Variants in NLRP14 observed in about 807,000 individuals in gnomAD.
The protein encoded by NLRP14 is NLR family pyrin domain containing 14, also known as NACHT, LRR and PYD domains-containing protein 14.
In NLRP14, 105 loss-of-function variants were observed where a neutral mutation model predicts 94.7. The observed-to-expected ratio is 1.11, with a 90% CI of 0.95 to 1.30. The LOEUF is 1.30. Ranked by LOEUF, NLRP14 falls within the 50% of genes most tolerant of loss-of-function variation. The pLI, the probability that NLRP14 is intolerant of heterozygous loss-of-function variation, is 0.00. For synonymous variants in NLRP14, 508 were observed against 459.9 expected (o/e 1.10, Z -1.34); for missense variants, 1,362 against 1,254.1 (o/e 1.09, Z -1.30).
chr11:7,067,159 T>C (rs930137386), intron 10 of NLRP14, among the ~76,000 whole-genome samples: 1 of 152,166 alleles, frequency 6.6e-6, no homozygotes, highest in Non-Finnish European at 1.5e-5. Flanking sequence ...TTGTTCTTTT[T>C]GCTTAAGATT....
At chr11:7,030,417 T>C (rs1852073447) in intron 1 of NLRP14, among the ~76,000 whole-genome samples, 1 of 152,236 alleles carries the variant, frequency 6.6e-6, no homozygotes, top group Non-Finnish European at 1.5e-5. Context: ...CCTGGAATGC[T>C]CCATCTCCCA....
chr11:7,037,654 G>A (rs11041149), intron 1 of NLRP14, among the ~76,000 whole-genome samples: 16,614 of 152,204 alleles, frequency 0.11, 909 homozygotes, highest in Admixed American at 0.17. Flanking sequence ...GATGGCTGAT[G>A]AGGGGTAAAC....
Position 7,043,898 on chromosome 11 carries a change from C to A in NLRP14, c.1872C>A (p.His624Gln), listed in dbSNP as rs372616682. Residue 624 changes from histidine to glutamine, a missense_variant, in exon 4 of 12, where the codon CAC (histidine) becomes CAA (glutamine). Transcript: ENST00000299481. ...HLLVSSFCLK[H>Q]CRCLRTIRLS... ...TTGTATCTTCTTTCTGCCTTAAGCA[C>A]TGCCGGTGTTTGCGGACCATCAGGC... 6.0e-5 allele frequency: 97 copies of A among 1,613,986 alleles called. No individual in the cohort carries two copies. Among genetic ancestry groups the A allele is most frequent in the Non-Finnish European group, 7.6e-5 (90 of 1,179,964 alleles).
rs773599498 is a variant in NLRP14, at chr11:7,057,744, A to T, written c.2359A>T (p.Ser787Cys). The T allele has an allele frequency of 6.2e-7, 1 of 1,612,310 alleles. No individual in the cohort carries two copies. The highest frequency in any genetic ancestry group is 8.5e-7 in the Non-Finnish European group (1 of 1,178,532). Reference sequence around the variant, plus strand: ...ATCTAATGCTCTCATCAGAAGCCAGAGCCTGATATTTCTGAATCTGTCAAC... The same window carrying T: ...ATCTAATGCTCTCATCAGAAGCCAGTGCCTGATATTTCTGAATCTGTCAAC... ...NISNALIRSQ[S>C]LIFLNLSTNN... Residue 787 changes from serine to cysteine, a missense_variant, in exon 7 of 12, where the codon AGC becomes TGC. Coordinates refer to ENST00000299481, the MANE Select transcript of NLRP14 (RefSeq NM_176822.4).
rs916644680 is a variant in NLRP14, at chr11:7,059,794, C to T, written c.2634-100C>T. 2.8e-6 allele frequency: 3 copies of T among 1,053,466 alleles called. No homozygotes were observed. In the African/African-American group the frequency reaches 4.7e-5, roughly 17 times the overall value. 65.3% of individuals were successfully genotyped at this position (1,053,466 alleles called of 1,614,324 possible). On this transcript the variant is annotated intron_variant, in intron 8 of 11. Transcript: ENST00000299481. ...TGTTTCATCTGAGATGGAATGTTGG[C>T]AAATAGATAAGGGATCAAATCATGA...
At chr11:7,059,760 C>A (rs1365866893) in intron 8 of NLRP14, 134 bp from the exon 9 acceptor site, 2 of 753,348 alleles carry the variant, frequency 2.7e-6, no homozygotes, top group Non-Finnish European at 4.7e-6. Context: ...GACAGGCTGG[C>A]AGTGAGGGTG....
At chr11:7,035,340 G>A (rs1259698909) in intron 1 of NLRP14, among the ~76,000 whole-genome samples, 2 of 152,066 alleles carry the variant, frequency 1.3e-5, no homozygotes, top group African/African-American at 4.8e-5. Flanking sequence ...AAACGAAGTT[G>A]TTCACTTAGC....
chr11:7,066,777 C>G (rs1477492365), intron 10 of NLRP14, among the ~76,000 whole-genome samples: 2 of 152,040 alleles, frequency 1.3e-5, no homozygotes, highest in Non-Finnish European at 2.9e-5. Flanking sequence ...ATGCGTATGT[C>G]CTGAATGGTA....
chr11:7,043,887 T>G lies in NLRP14; in HGVS notation c.1861T>G (p.Cys621Gly). ...AATACATTTGCTTGTATCTTCTTTC[T>G]GCCTTAAGCACTGCCGGTGTTTGCG... is the stretch of plus-strand genomic sequence containing the variant. Reference protein sequence around the residue: ...EKIHLLVSSFCLKHCRCLRTI... With the variant: ...EKIHLLVSSFGLKHCRCLRTI... The change falls in exon 4 of 12, where the codon TGC becomes GGC. Residue 621 changes from cysteine to glycine, a missense_variant. Cys to Gly is a radical substitution (Grantham distance 159, BLOSUM62 -3). Coordinates refer to ENST00000299481, the MANE Select transcript of NLRP14 (RefSeq NM_176822.4). 1 of 1,614,174 alleles carries G rather than the reference T, an allele frequency of 6.2e-7. No homozygotes were observed. The highest frequency in any genetic ancestry group is 8.5e-7 in the Non-Finnish European group (1 of 1,179,984).
At chr11:7,071,024 C>T (rs572153714) in intron 11 of NLRP14, 149 bp from the exon 12 acceptor site, 7 of 777,180 alleles carry the variant, frequency 9.0e-6, no homozygotes, top group Admixed American at 4.3e-5. Flanking sequence ...TCTCTCAGTT[C>T]GCTTCCCCAC....
At chr11:7,028,093 A>G (rs1565009770) in intron 1 of NLRP14, among the ~76,000 whole-genome samples, 1 of 152,086 alleles carries the variant, frequency 6.6e-6, no homozygotes, top group African/African-American at 2.4e-5. Flanking sequence ...AATTCCACCT[A>G]TAAGCTAGTG....
intron 1 of NLRP14, among the ~76,000 whole-genome samples, chr11:7,024,480 C>T (rs560633037): frequency 6.6e-6 from 1 of 152,286 alleles, no homozygotes; most frequent in East Asian, 1.9e-4. Context: ...GTATAAAAGA[C>T]CCCTACTTGA....
chr11:7,052,497 G>A (rs1852454871), intron 6 of NLRP14, among the ~76,000 whole-genome samples: 2 of 152,116 alleles, frequency 1.3e-5, no homozygotes, highest in African/African-American at 4.8e-5. Flanking sequence ...ACTGGGCATG[G>A]TGATGCGCAC....
chr11:7,025,140 TAAA>T (rs1851997255), intron 1 of NLRP14, among the ~76,000 whole-genome samples: 1 of 152,076 alleles, frequency 6.6e-6, no homozygotes, highest in Admixed American at 6.6e-5. Flanking sequence ...ACACTAGACA[TAAA>T]AAGGTATAAT....
At chr11:7,056,562 G>C (rs1852519152) in intron 6 of NLRP14, among the ~76,000 whole-genome samples, 1 of 147,910 alleles carries the variant, frequency 6.8e-6, no homozygotes, top group South Asian at 2.1e-4. Flanking sequence ...AATATGGGAA[G>C]GATAAGAGAA....
intron 9 of NLRP14, 58 bp downstream of exon 9, chr11:7,060,122 TACTG>T: frequency 1.4e-6 from 2 of 1,438,826 alleles, no homozygotes; most frequent in Non-Finnish European, 2.0e-6. Flanking sequence ...TCTGGGGAGA[TACTG>T]AAAGAAAGGC....
intron 1 of NLRP14, among the ~76,000 whole-genome samples, chr11:7,032,079 T>A (rs143324111): frequency 2.4e-4 from 37 of 152,344 alleles, no homozygotes; most frequent in African/African-American, 7.9e-4. Context: ...CTTTTTGGAA[T>A]TTGGCAAATG....
intron 5 of NLRP14, 22 bp downstream of exon 5, chr11:7,046,854 T>C (rs1424572315): frequency 6.3e-7 from 1 of 1,575,854 alleles, no homozygotes; most frequent in Non-Finnish European, 8.7e-7. Flanking sequence ...ATGAGAAAAT[T>C]TAATGGAGTT....
At chr11:7,089,308 A>G in the NLRP14 span, 6 of 1,606,390 alleles carry the variant, frequency 3.7e-6, no homozygotes, top group South Asian at 5.6e-5. Context: ...GCAGACGCCA[A>G]GGCCGCCGCC....
Sources: allele counts gnomAD v4.1 joint callset (sites outside exome capture counted in the v4.1 genomes callset), GRCh38; gene constraint gnomAD v4.1.1; transcripts MANE v1.5; gene names NCBI Gene and HGNC (gene_info 2026-07-23, HGNC 2026-07-21).